ZNF609: variants seen among roughly 807,000 people sequenced by gnomAD.
ZNF609 encodes zinc finger protein 609.
A neutral mutation model predicts 109.5 loss-of-function variants in ZNF609; 11 were observed. The ratio of observed to expected loss-of-function variants is 0.10; its 90% CI spans 0.06 to 0.17. The LOEUF (loss-of-function observed/expected upper bound fraction) is 0.17, where lower values mean the gene tolerates loss of function less well. Among genes scored for constraint, ZNF609 ranks in the 10% least tolerant of loss-of-function variants. The pLI, the probability that ZNF609 is intolerant of heterozygous loss-of-function variation, is 1.00. For synonymous variants in ZNF609, 646 were observed against 662.0 expected, an observed-to-expected ratio of 0.98 and a Z score of 0.37; for missense variants, 1,559 against 1,772.4, an observed-to-expected ratio of 0.88 and a Z score of 2.16.
chr15:64,609,147 T>TTC lies in ZNF609; in HGVS notation c.748-13668_748-13667dup, dbSNP rs1895673471. On this transcript the variant is annotated intron_variant, in intron 2 of 9. Coordinates refer to ENST00000326648, the MANE Select transcript of ZNF609 (RefSeq NM_015042.2). ...TTCTTTCTTTTTTTCTTTCTTTTTT[T>TTC]TCTCTCTCTCTCTTTCTTTCTTTCT... Among the ~76,000 whole-genome samples the TTC allele has an allele frequency of 2.7e-5, 4 of 149,814 alleles. No homozygotes were observed. In the South Asian group the frequency reaches 8.5e-4, roughly 32 times the overall value.
chr15:64,555,315 C>T (rs569379210), intron 2 of ZNF609, among the ~76,000 whole-genome samples: 173 of 152,148 alleles, frequency 1.1e-3, no homozygotes, highest in Non-Finnish European at 4.6e-4. Flanking sequence ...TGTAGTGAGC[C>T]GAGATCACGC....
At chr15:64,463,416 A>AAT (rs1555413166) in intron 1 of ZNF609, among the ~76,000 whole-genome samples, 1 of 150,854 alleles carries the variant, frequency 6.6e-6, no homozygotes, top group African/African-American at 2.5e-5. Context: ...AAAAAAAAAA[A>AAT]ATTTGGGGCC....
intron 1 of ZNF609, chr15:64,471,344 G>A (rs1893087908): frequency 6.7e-6 from 1 of 149,918 alleles, no homozygotes; most frequent in East Asian, 1.9e-4. Flanking sequence ...CTGGGTGACA[G>A]AGCAAAATTG....
intron 1 of ZNF609, among the ~76,000 whole-genome samples, chr15:64,468,840 C>T (rs537434384): frequency 3.9e-5 from 6 of 152,230 alleles, no homozygotes; most frequent in African/African-American, 1.2e-4. Context: ...CCCCTGTTTT[C>T]ATGTGCCTCA....
chr15:64,530,293 A>G (rs1270586364), intron 2 of ZNF609, among the ~76,000 whole-genome samples: 1 of 152,196 alleles, frequency 6.6e-6, no homozygotes, highest in East Asian at 1.9e-4. Context: ...TACAGGCATG[A>G]GCCACCGTGC....
rs571929061 is a variant in ZNF609 at position 64,490,728 on chromosome 15, G to T, written c.-127-8565G>T. 2.0e-5 allele frequency among the ~76,000 whole-genome samples: 3 copies of T among 152,298 alleles called. No homozygotes were observed. In the South Asian group the frequency reaches 6.2e-4, roughly 32 times the overall value. On this transcript the variant is annotated intron_variant, in intron 1 of 9. Coordinates refer to ENST00000326648, the MANE Select transcript of ZNF609 (RefSeq NM_015042.2). ...CAGGACTGAATTATTTACATATTCAGGATACCATTTAGCCTATTGTGAGAT... is the reference window on the plus strand; with the variant it reads ...CAGGACTGAATTATTTACATATTCATGATACCATTTAGCCTATTGTGAGAT...
rs745636514 is a variant in ZNF609, at chr15:64,674,824, G to A, written c.1970G>A (p.Arg657His). The change falls in exon 5 of 10, where the codon CGT becomes CAT. Residue 657 changes from arginine to histidine, a missense_variant. By Grantham distance (29) the Arg-to-His change is conservative. This residue lies in a region of ZNF609 where 1,204 missense variants were observed against 1,314.1 expected (regional missense o/e 0.92). Transcript: ENST00000326648. Reference sequence around the variant, plus strand: ...CCTTCCAAGAGCCTAAAGTCAGCCCGTCCCATTGCCCCTGCCATCCCCCCA... The same window carrying A: ...CCTTCCAAGAGCCTAAAGTCAGCCCATCCCATTGCCCCTGCCATCCCCCCA... ...KIPSKSLKSARPIAPAIPPQQ... is the reference protein window; with the variant it reads ...KIPSKSLKSAHPIAPAIPPQQ... 1.5e-5 allele frequency: 24 copies of A among 1,613,920 alleles called. No individual in the cohort carries two copies. Among genetic ancestry groups the A allele is most frequent in the South Asian group, 1.3e-4 (12 of 91,060 alleles).
intron 3 of ZNF609, among the ~76,000 whole-genome samples, chr15:64,635,473 A>G (rs1445177856): frequency 2.0e-5 from 3 of 152,118 alleles, no homozygotes; most frequent in Non-Finnish European, 4.4e-5. Flanking sequence ...TAATTTCCTT[A>G]TTTGTAAAAT....
In ZNF609 at chr15:64,499,312, G is replaced by T; in HGVS notation, c.-108G>T. Reference sequence around the variant, plus strand: ...TTCCAGCAATGATGTTGTCCACTGGGCATGTACTGACCAATGTGGCAGGTC... The same window carrying T: ...TTCCAGCAATGATGTTGTCCACTGGTCATGTACTGACCAATGTGGCAGGTC... On this transcript the variant is annotated 5_prime_UTR_variant, in exon 2 of 10. Coordinates refer to ENST00000326648, the MANE Select transcript of ZNF609 (RefSeq NM_015042.2). 7.1e-7 allele frequency: 1 copy of T among 1,412,098 alleles called. No individual in the cohort carries two copies. 87.5% of individuals were successfully genotyped at this position (1,412,098 alleles called of 1,614,324 possible).
chr15:64,534,496 G>T (rs1166576444), intron 2 of ZNF609, among the ~76,000 whole-genome samples: 3 of 151,858 alleles, frequency 2.0e-5, no homozygotes, highest in Non-Finnish European at 4.4e-5. Flanking sequence ...TGTATTTTTA[G>T]TAAAGATGGG....
chr15:64,522,140 G>A (rs1893900326), intron 2 of ZNF609, among the ~76,000 whole-genome samples: 1 of 152,220 alleles, frequency 6.6e-6, no homozygotes, highest in Non-Finnish European at 1.5e-5. Context: ...GACCTTGTGA[G>A]TTTACAGCAA....
intron 2 of ZNF609, among the ~76,000 whole-genome samples, chr15:64,598,786 A>C (rs1006437040): frequency 1.3e-4 from 13 of 102,138 alleles, no homozygotes; most frequent in East Asian, 2.8e-4. Context: ...ATATATATAT[A>C]TCCTGTTATC....
At chr15:64,662,061 CA>C (rs1896585300) in intron 3 of ZNF609, among the ~76,000 whole-genome samples, 1 of 152,168 alleles carries the variant, frequency 6.6e-6, no homozygotes, top group East Asian at 1.9e-4. Context: ...GGGCTGCCAT[CA>C]TCTGAAAGCA....
intron 3 of ZNF609, among the ~76,000 whole-genome samples, chr15:64,667,154 A>G (rs370172521): frequency 6.6e-6 from 1 of 152,028 alleles, no homozygotes; most frequent in South Asian, 2.1e-4. Context: ...AAACAAAAAA[A>G]CCCTGAGATT....
Position 64,676,016 on chromosome 15 carries a change from C to T in ZNF609, c.3162C>T (p.Pro1054=). ...PSIPPTLTKA[P]SLTDLVKSGP... ...TTCCACCAACTCTCACCAAGGCCCC[C>T]AGCCTGACAGACCTGGTGAAATCAG... is the stretch of plus-strand genomic sequence containing the variant. Residue 1054 remains proline (P), a synonymous_variant, in exon 5 of 10, where the codon CCC becomes CCT. Coordinates refer to ENST00000326648, the MANE Select transcript of ZNF609 (RefSeq NM_015042.2). The T allele has an allele frequency of 6.2e-7, 1 of 1,614,248 alleles. No homozygotes were observed. The highest frequency in any genetic ancestry group is 8.5e-7 in the Non-Finnish European group (1 of 1,180,054).
chr15:64,574,034 C>G (rs537303518), intron 2 of ZNF609, among the ~76,000 whole-genome samples: 8 of 152,174 alleles, frequency 5.3e-5, no homozygotes, highest in Middle Eastern at 6.8e-3. Flanking sequence ...CACCACACCC[C>G]GCTCTTGCCC....
chr15:64,615,900 G>C (rs142096235), intron 2 of ZNF609, among the ~76,000 whole-genome samples: 2 of 152,250 alleles, frequency 1.3e-5, no homozygotes, highest in East Asian at 3.9e-4. Flanking sequence ...AAGTTTCTTA[G>C]AACTACTGCT....
chr15:64,583,988 T>C (rs1323836350), intron 2 of ZNF609, among the ~76,000 whole-genome samples: 1 of 152,238 alleles, frequency 6.6e-6, no homozygotes, highest in Non-Finnish European at 1.5e-5. Flanking sequence ...ATCCATCTGC[T>C]TTCCAGTTCC....
Position 64,676,202 on chromosome 15 carries a change from A to C in ZNF609, c.3348A>C (p.Thr1116=), listed in dbSNP as rs1323639137. 6 of 1,614,014 alleles carry C rather than the reference A, an allele frequency of 3.7e-6. No individual in the cohort carries two copies. The South Asian group carries it at 6.6e-5, about 18-fold the overall frequency. ...HLSKEASEAK[T]GAECGRQAEM... The stretch of plus-strand genomic sequence containing the variant: ...GCAAGGAGGCCTCTGAGGCCAAGAC[A>C]GGTGCTGAGTGTGGTCGACAGGCAG... The change falls in exon 5 of 10, where the codon ACA becomes ACC. Residue 1116 remains threonine (T), a synonymous_variant. Coordinates refer to ENST00000326648, the MANE Select transcript of ZNF609 (RefSeq NM_015042.2).
Sources: allele counts gnomAD v4.1 joint callset (sites outside exome capture counted in the v4.1 genomes callset), GRCh38; gene constraint gnomAD v4.1.1; regional missense constraint gnomAD v4.1.1; transcripts MANE v1.5; gene names NCBI Gene and HGNC (gene_info 2026-07-23, HGNC 2026-07-21).